NEDD4: variants seen among roughly 807,000 people sequenced by gnomAD.
NEDD4 encodes the protein E3 ubiquitin-protein ligase NEDD4.
A neutral mutation model predicts 144.9 loss-of-function variants in NEDD4; 99 were observed. The observed-to-expected ratio is 0.68, with a 90% CI of 0.58 to 0.81. The LOEUF (loss-of-function observed/expected upper bound fraction) is 0.81, where lower values mean the gene tolerates loss of function less well. NEDD4 is among the 30% of genes least tolerant of loss of function. The probability of loss-of-function intolerance (pLI) is 0.00; values close to 1 mark genes in which losing one functional copy is unlikely to be tolerated. For synonymous variants in NEDD4, 318 were observed against 350.6 expected (o/e 0.91, Z 1.04); for missense variants, 985 against 1,065.9 (o/e 0.92, Z 1.06).
chr15:55,914,041 G>C (rs1212217713), intron 5 of NEDD4, among the ~76,000 whole-genome samples: 1 of 151,762 alleles, frequency 6.6e-6, no homozygotes, highest in Non-Finnish European at 1.5e-5. Flanking sequence ...CTAAATTATA[G>C]ATCAGAATTT....
chr15:55,948,235 A>T (rs557088247), intron 4 of NEDD4, among the ~76,000 whole-genome samples: 94 of 152,356 alleles, frequency 6.2e-4, no homozygotes, highest in Admixed American at 1.8e-3. Context: ...CTAGGAATCC[A>T]ACTTACAAGG....
chr15:55,833,208 A>G, intron 26 of NEDD4, 104 bp from the exon 27 acceptor site: 1 of 693,424 alleles, frequency 1.4e-6, no homozygotes, highest in South Asian at 2.1e-5. Flanking sequence ...ATAATCCCTT[A>G]CTAGATGTGG....
intron 4 of NEDD4, among the ~76,000 whole-genome samples, chr15:55,942,375 C>T (rs1190545007): frequency 1.3e-5 from 2 of 152,144 alleles, no homozygotes; most frequent in Admixed American, 1.3e-4. Context: ...AATCTCATGT[C>T]AAATTGTAAT....
rs573428604 is a variant in NEDD4 at position 55,909,638 on chromosome 15, A to G, written c.291+15008T>C. Among the ~76,000 whole-genome samples the G allele has an allele frequency of 1.4e-4, 21 of 152,246 alleles. No individual in the cohort carries two copies. The South Asian group carries it at 3.1e-3, about 23-fold the overall frequency. On this transcript the variant is annotated intron_variant, in intron 5 of 28. Coordinates refer to ENST00000435532, the MANE Select transcript of NEDD4 (RefSeq NM_006154.4). ...CCCAGAGACTCTGCCAAGCCCCTTC[A>G]GCCTACAAAGCCTCTTGTCCTGGCT...
At chr15:55,919,839 G>T (rs1456986146) in intron 5 of NEDD4, among the ~76,000 whole-genome samples, 7 of 152,104 alleles carry the variant, frequency 4.6e-5, no homozygotes, top group Non-Finnish European at 1.0e-4. Flanking sequence ...CTTAATCATT[G>T]ACTGAACTTT....
chr15:55,912,227 T>C (rs1382856805), intron 5 of NEDD4, among the ~76,000 whole-genome samples: 2 of 152,164 alleles, frequency 1.3e-5, no homozygotes, highest in Non-Finnish European at 2.9e-5. Flanking sequence ...TTTAGTAAAA[T>C]AAGGACTGGA....
intron 5 of NEDD4, among the ~76,000 whole-genome samples, chr15:55,888,693 A>T (rs533754746): frequency 6.6e-6 from 1 of 152,366 alleles, no homozygotes; most frequent in East Asian, 1.9e-4. Flanking sequence ...ACATTACCTG[A>T]CATCAAATTA....
At chr15:55,953,143 C>A (rs949961476) in intron 2 of NEDD4, among the ~76,000 whole-genome samples, 2 of 151,904 alleles carry the variant, frequency 1.3e-5, no homozygotes, top group Admixed American at 6.6e-5. Flanking sequence ...GCGCACACCA[C>A]CACGCCCGGC....
intron 4 of NEDD4, among the ~76,000 whole-genome samples, chr15:55,941,003 C>A (rs2036992868): frequency 6.6e-6 from 1 of 152,050 alleles, no homozygotes; most frequent in Non-Finnish European, 1.5e-5. Flanking sequence ...AAGAATTTAT[C>A]CATTTAAACT....
intron 4 of NEDD4, among the ~76,000 whole-genome samples, chr15:55,935,571 G>C (rs1422656366): frequency 2.0e-5 from 3 of 152,034 alleles, no homozygotes; most frequent in Non-Finnish European, 2.9e-5. Context: ...GCAAAGGCTG[G>C]GCGTGGTGGC....
intron 2 of NEDD4, among the ~76,000 whole-genome samples, chr15:55,963,613 A>C (rs66540128): frequency 0.13 from 20,442 of 152,172 alleles, 1,485 homozygotes; most frequent in East Asian, 0.32. Flanking sequence ...ATAAATCCTA[A>C]AAAACAATGT....
At chr15:55,980,858 A>G (rs1206768584) in intron 1 of NEDD4, among the ~76,000 whole-genome samples, 2 of 152,172 alleles carry the variant, frequency 1.3e-5, no homozygotes, top group African/African-American at 4.8e-5. Flanking sequence ...TCTGTCCAAC[A>G]GCTTGCAATT....
At chr15:55,971,427 C>T (rs187480398) in intron 1 of NEDD4, among the ~76,000 whole-genome samples, 1 of 152,108 alleles carries the variant, frequency 6.6e-6, no homozygotes, top group Non-Finnish European at 1.5e-5. Context: ...GAGTTCGAGA[C>T]TAGTCTGTCC....
chr15:55,841,226 C>T (rs2033488925), intron 19 of NEDD4, among the ~76,000 whole-genome samples: 1 of 152,192 alleles, frequency 6.6e-6, no homozygotes, highest in Non-Finnish European at 1.5e-5. Flanking sequence ...GCCACCACGC[C>T]CAGCCTAAAC....
chr15:55,948,123 T>C (rs1430929490), intron 4 of NEDD4, among the ~76,000 whole-genome samples: 1 of 152,182 alleles, frequency 6.6e-6, no homozygotes, highest in East Asian at 1.9e-4. Flanking sequence ...ACAAAATTAA[T>C]GTGCAAAATC....
At chr15:55,864,861 C>T (rs1016575802) in intron 8 of NEDD4, among the ~76,000 whole-genome samples, 10 of 151,956 alleles carry the variant, frequency 6.6e-5, no homozygotes, top group African/African-American at 2.4e-4. Flanking sequence ...GTGCATGCAT[C>T]GACAGGCAGC....
intron 1 of NEDD4, among the ~76,000 whole-genome samples, chr15:55,987,017 T>G (rs1457116331): frequency 1.5e-4 from 22 of 149,058 alleles, no homozygotes; most frequent in African/African-American, 5.2e-4. Context: ...AAATGGTATT[T>G]CTAGTTCTAG....
intron 1 of NEDD4, among the ~76,000 whole-genome samples, chr15:55,982,437 A>T (rs1595888705): frequency 6.6e-6 from 1 of 152,340 alleles, no homozygotes; most frequent in Middle Eastern, 3.4e-3. Context: ...AAAAAGAATG[A>T]GCTATTGATA....
intron 5 of NEDD4, among the ~76,000 whole-genome samples, chr15:55,911,082 G>A (rs2036257876): frequency 1.1e-4 from 6 of 52,768 alleles, no homozygotes; most frequent in Non-Finnish European, 2.1e-4. Flanking sequence ...ATTTACAGTG[G>A]AGATTCTTTC....
Sources: gnomAD v4.1 joint callset for allele counts (sites outside exome capture counted in the v4.1 genomes callset) on GRCh38, gnomAD v4.1.1 for gene constraint, MANE v1.5 for transcripts, NCBI Gene and HGNC (gene_info 2026-07-23, HGNC 2026-07-21) for gene names.